Variants in RHBDF2 observed in about 807,000 individuals in gnomAD.
RHBDF2 encodes the protein inactive rhomboid protein 2.
RHBDF2 carries 38 observed loss-of-function variants against 95.2 expected under a neutral mutation model. The observed-to-expected ratio is 0.40, with a 90% CI of 0.31 to 0.52. RHBDF2 has a LOEUF of 0.52. RHBDF2 is among the 20% of genes least tolerant of loss of function. The pLI is 0.56. For synonymous variants in RHBDF2, 442 were observed against 462.0 expected (o/e 0.96, Z 0.55); for missense variants, 863 against 1,137.7 (o/e 0.76, Z 3.47).
chr17:76,477,581 G>T, intron 7 of RHBDF2, 76 bp downstream of exon 7: 1 of 1,506,334 alleles, frequency 6.6e-7, no homozygotes, highest in South Asian at 1.2e-5. Context: ...TCCTGAATAT[G>T]ATCAATGCCA....
rs545473445 is a variant in RHBDF2 at position 76,479,481 on chromosome 17, C to A, written c.273-204G>T. The A allele has an allele frequency of 4.9e-6, 4 of 811,498 alleles. No individual in the cohort carries two copies. In the South Asian group the frequency reaches 5.8e-5, roughly 12 times the overall value. The allele number at this position is 811,498 out of a possible 1,614,324, so 50.3% of individuals were successfully genotyped here. A position where few individuals can be genotyped will look rare whatever the true frequency, so the allele number is the denominator to read the frequency against. On this transcript the variant is annotated intron_variant, in intron 4 of 18. Transcript: ENST00000675367. ...GGGAGCGTGAGGAGCCAGGCTAGGG[C>A]CCCAGGCACCCCCACACTGATCCAC...
chr17:76,482,260 G>A (rs1296760395), intron 2 of RHBDF2, among the ~76,000 whole-genome samples: 1 of 152,164 alleles, frequency 6.6e-6, no homozygotes, highest in South Asian at 2.1e-4. Flanking sequence ...TGGGGAGGCC[G>A]AGGTGGGCCG....
At chr17:76,499,976 G>C (rs2074537522) in intron 1 of RHBDF2, among the ~76,000 whole-genome samples, 1 of 152,138 alleles carries the variant, frequency 6.6e-6, no homozygotes, top group Non-Finnish European at 1.5e-5. Flanking sequence ...GGGAAAGGCG[G>C]TGTCTCATGG....
chr17:76,492,440 C>T (rs2144397508), intron 1 of RHBDF2, among the ~76,000 whole-genome samples: 1 of 152,292 alleles, frequency 6.6e-6, no homozygotes, highest in Admixed American at 6.5e-5. Context: ...AGGGTGAGGC[C>T]AGGCACTCCC....
At chr17:76,489,057 T>C (rs1319066723) in intron 1 of RHBDF2, among the ~76,000 whole-genome samples, 5 of 149,168 alleles carry the variant, frequency 3.4e-5, no homozygotes, top group Admixed American at 6.7e-5. Flanking sequence ...ACCCGGGAGA[T>C]GGAGGTTGCA....
Position 76,473,307 on chromosome 17 carries a change from T to A in RHBDF2, c.1754A>T (p.Glu585Val). Residue 585 changes from glutamate (E) to valine (V), a missense_variant, in exon 16 of 19, where the codon GAA becomes GTA. Physicochemically the swap from Glu to Val is moderately radical, Grantham distance 121. Coordinates refer to ENST00000675367, the MANE Select transcript of RHBDF2 (RefSeq NM_001005498.4). ...TKGSCEITTREYCEFMHGYFH... is the reference protein window; with the variant it reads ...TKGSCEITTRVYCEFMHGYFH... ...ATAGCCGTGCATGAACTCACAGTAT[T>A]CCCGGGTGGTGATCTCACAGCTAAG... The A allele has an allele frequency of 6.2e-7, 1 of 1,612,484 alleles. No individual in the cohort carries two copies. Among genetic ancestry groups the A allele is most frequent in the Middle Eastern group, 1.7e-4 (1 of 6,060 alleles).
intron 18 of RHBDF2, chr17:76,472,382 C>T (rs187304594): frequency 1.0e-5 from 6 of 584,498 alleles, no homozygotes; most frequent in Non-Finnish European, 1.8e-5. Flanking sequence ...ATCAGACTGC[C>T]GACGGCGCAC....
intron 1 of RHBDF2, 148 bp downstream of exon 1, chr17:76,501,205 C>A (rs2074571976): frequency 6.6e-6 from 1 of 152,260 alleles, no homozygotes; most frequent in African/African-American, 2.4e-5. Flanking sequence ...GGGACCCAGG[C>A]GCTCCGCAGG....
Position 76,472,737 on chromosome 17 carries a change from A to G in RHBDF2, c.2013T>C (p.Ser671=), listed in dbSNP as rs773900196. Residue 671 remains serine, a synonymous_variant, in exon 18 of 19, where the codon AGT becomes AGC. Transcript: ENST00000675367. The part of the protein sequence containing the change: ...WHRIAIIFIL[S]GITGNLASAI... Reference sequence around the variant, plus strand: ...CACTGGCGAGGTTGCCTGTGATGCCACTGAGGATGAAGATGATGGCGATAC... The same window carrying G: ...CACTGGCGAGGTTGCCTGTGATGCCGCTGAGGATGAAGATGATGGCGATAC... 5.6e-6 allele frequency: 9 copies of G among 1,614,014 alleles called. 1 individual carries two copies. The South Asian group carries it at 9.9e-5, about 18-fold the overall frequency.
intron 1 of RHBDF2, among the ~76,000 whole-genome samples, chr17:76,489,789 C>T (rs577909791): frequency 2.6e-4 from 39 of 152,312 alleles, no homozygotes; most frequent in Admixed American, 7.8e-4. Context: ...GTGACATTAG[C>T]GTCTCTTCCA....
chr17:76,483,182 C>T (rs9896500), intron 2 of RHBDF2, among the ~76,000 whole-genome samples: 90,910 of 151,864 alleles, frequency 0.6, 27,636 homozygotes, highest in Middle Eastern at 0.75. Context: ...CCCAAGTAGC[C>T]GGGGTTATGG....
At chr17:76,497,624 A>G (rs1290180381) in intron 1 of RHBDF2, among the ~76,000 whole-genome samples, 2 of 152,122 alleles carry the variant, frequency 1.3e-5, no homozygotes, top group Non-Finnish European at 2.9e-5. Context: ...GGCTCCCCGC[A>G]CTGCTCCTGC....
chr17:76,473,446 TC>T (rs2073655234), intron 15 of RHBDF2, 119 bp from the exon 16 acceptor site: 1 of 1,030,596 alleles, frequency 9.7e-7, no homozygotes, highest in Non-Finnish European at 1.5e-6. Flanking sequence ...GGATGCCGCA[TC>T]CAGAACCTTC....
At chr17:76,489,008 C>T (rs1047527708) in intron 1 of RHBDF2, among the ~76,000 whole-genome samples, 22 of 151,800 alleles carry the variant, frequency 1.4e-4, no homozygotes, top group African/African-American at 5.1e-4. Context: ...GGCCTGTAAT[C>T]CCAGCTACTC....
intron 2 of RHBDF2, among the ~76,000 whole-genome samples, chr17:76,485,346 G>A (rs1276018840): frequency 6.8e-6 from 1 of 147,454 alleles, no homozygotes; most frequent in Non-Finnish European, 1.5e-5. Context: ...GGAAGGTGGA[G>A]TTAGCGGTGA....
chr17:76,496,703 C>T (rs977544501), intron 1 of RHBDF2, among the ~76,000 whole-genome samples: 1 of 152,182 alleles, frequency 6.6e-6, no homozygotes, highest in Non-Finnish European at 1.5e-5. Flanking sequence ...GGTTCAAAGT[C>T]CTGTTCCCAC....
At position 76,474,117 on chromosome 17, in the gene RHBDF2, C is replaced by T; in HGVS notation, c.1490G>A (p.Trp497Ter). The T allele has an allele frequency of 6.3e-7, 1 of 1,594,700 alleles. No individual in the cohort carries two copies. Among genetic ancestry groups the T allele is most frequent in the Middle Eastern group, 1.7e-4 (1 of 5,970 alleles). ...CSETLATFVK[W>*]QDDTGPPMDK... The stretch of plus-strand genomic sequence containing the variant: ...CATGGGGGGCCCAGTGTCATCCTGC[C>T]ACTTGACAAAAGTGGCCAAAGTCTC... Residue 497 changes from tryptophan to a stop codon, truncating the protein, a stop_gained, in exon 13 of 19, where the codon TGG becomes TAG. Coordinates refer to ENST00000675367, the MANE Select transcript of RHBDF2 (RefSeq NM_001005498.4). LOFTEE classifies it high-confidence loss of function.
Position 76,479,215 on chromosome 17 carries a change from C to A in RHBDF2, c.335G>T (p.Arg112Leu). ...DWEGQRQQWQ[R>L]RSLHHCSMRY... ...CATGCTGCAGTGGTGCAGGCTGCGG[C>A]GCTGCCACTGCTGCCGCTGCCCCTC... Residue 112 changes from arginine (R) to leucine (L), a missense_variant, in exon 5 of 19, where the codon CGC becomes CTC. Transcript: ENST00000675367. 1 of 1,609,046 alleles carries A rather than the reference C, an allele frequency of 6.2e-7. No homozygotes were observed. The highest frequency in any genetic ancestry group is 8.5e-7 in the Non-Finnish European group (1 of 1,179,252).
intron 9 of RHBDF2, chr17:76,476,576 CT>C (rs908627712): frequency 1.8e-5 from 9 of 504,542 alleles, no homozygotes; most frequent in Non-Finnish European, 3.1e-5. Context: ...TGACTGACTG[CT>C]GTCTGGGAGC....
Sources: gnomAD v4.1 joint callset for allele counts (sites outside exome capture counted in the v4.1 genomes callset) on GRCh38, gnomAD v4.1.1 for gene constraint, MANE v1.5 for transcripts, NCBI Gene and HGNC (gene_info 2026-07-23, HGNC 2026-07-21) for gene names.